The following EDAR variants were observed in gnomAD, a reference collection of about 807,000 sequenced individuals.
The protein encoded by EDAR is ectodysplasin A receptor, also known as tumor necrosis factor receptor superfamily member EDAR.
A neutral mutation model predicts 51.3 loss-of-function variants in EDAR; 38 were observed. The ratio of observed to expected loss-of-function variants is 0.74; its 90% CI spans 0.57 to 0.97. The LOEUF is 0.97. Among genes scored for constraint, EDAR ranks in the 50% least tolerant of loss-of-function variants. The pLI, the probability that EDAR is intolerant of heterozygous loss-of-function variation, is 0.00. For missense variants in EDAR, 528 were observed against 595.0 expected (o/e 0.89, Z 1.17); for synonymous variants, 227 against 242.1 (o/e 0.94, Z 0.58).
chr2:108,907,203 G>GTT (rs907708183), intron 10 of EDAR, among the ~76,000 whole-genome samples: 5 of 152,226 alleles, frequency 3.3e-5, no homozygotes, highest in African/African-American at 1.2e-4. Flanking sequence ...GAAGAAAAAC[G>GTT]TTGTGTGTGT....
At chr2:108,987,258 G>A (rs1263711690) in intron 1 of EDAR, among the ~76,000 whole-genome samples, 3 of 152,240 alleles carry the variant, frequency 2.0e-5, no homozygotes, top group Admixed American at 6.5e-5. Context: ...AGAAAGGAGC[G>A]TCAGGTAACC....
At chr2:108,967,686 C>T (rs1361099311) in intron 1 of EDAR, among the ~76,000 whole-genome samples, 1 of 152,116 alleles carries the variant, frequency 6.6e-6, no homozygotes, top group African/African-American at 2.4e-5. Flanking sequence ...AATTTTACTT[C>T]ATAAACCAAT....
chr2:108,980,738 G>A (rs1698405917), intron 1 of EDAR, among the ~76,000 whole-genome samples: 2 of 152,136 alleles, frequency 1.3e-5, no homozygotes, highest in South Asian at 4.2e-4. Context: ...GTTTTGGGCA[G>A]AGGGAACAAA....
In EDAR at chr2:108,897,059, CAA is replaced by C. The variant is rs1553443360; in HGVS notation, c.1193_1194del (p.Phe398Ter). 1 of 1,614,180 alleles carries C rather than the reference CAA, an allele frequency of 6.2e-7. No individual in the cohort carries two copies. Among genetic ancestry groups the C allele is most frequent in the Non-Finnish European group, 8.5e-7 (1 of 1,180,026 alleles). Reference sequence around the variant, plus strand: ...CTGTAGCCTGCCGTGCTGATGCGGTCAAAGAGTTGCATGCCGTCTGTCATGCC... The same window carrying C: ...CTGTAGCCTGCCGTGCTGATGCGGTCAGAGTTGCATGCCGTCTGTCATGCC... ...IGGMTDGMQL[F>X]DRISTAGYSI... On this transcript the variant is annotated frameshift_variant, in exon 12 of 12. Coordinates refer to ENST00000258443, the MANE Select transcript of EDAR (RefSeq NM_022336.4). LOFTEE classifies it high-confidence loss of function.
rs1162108170 is a variant in EDAR at position 108,894,790 on chromosome 2, A to G, written c.*2117T>C. Reference sequence around the variant, plus strand: ...AAGGGAATTTGTAACTATATAAGGAATAGCTCCCTAAAAATGGCAGGTGGA... The same window carrying G: ...AAGGGAATTTGTAACTATATAAGGAGTAGCTCCCTAAAAATGGCAGGTGGA... On this transcript the variant is annotated 3_prime_UTR_variant, in exon 12 of 12. Transcript: ENST00000258443. 6.6e-6 allele frequency: 1 copy of G among 152,250 alleles called. No individual in the cohort carries two copies. The highest frequency in any genetic ancestry group is 2.4e-5 in the African/African-American group (1 of 41,472). The allele number at this position is 152,250 out of a possible 1,614,324, so 9.4% of individuals were successfully genotyped here.
chr2:108,942,641 C>T (rs1469562714), intron 1 of EDAR, among the ~76,000 whole-genome samples: 1 of 152,168 alleles, frequency 6.6e-6, no homozygotes, highest in African/African-American at 2.4e-5. Context: ...CACCTGCTTT[C>T]CACGCCAGAG....
chr2:108,919,036 G>A (rs1216702938), intron 5 of EDAR, among the ~76,000 whole-genome samples: 1 of 152,110 alleles, frequency 6.6e-6, no homozygotes, highest in African/African-American at 2.4e-5. Context: ...ACTGGGACCC[G>A]CTGTGTCAGA....
intron 1 of EDAR, among the ~76,000 whole-genome samples, chr2:108,984,427 C>T (rs937253042): frequency 1.3e-5 from 2 of 152,156 alleles, no homozygotes; most frequent in East Asian, 3.9e-4. Context: ...GAGAGCCCAG[C>T]CCCCTTGCCA....
chr2:108,980,597 A>G (rs1285323245), intron 1 of EDAR, among the ~76,000 whole-genome samples: 2 of 152,160 alleles, frequency 1.3e-5, no homozygotes, highest in Non-Finnish European at 2.9e-5. Context: ...GATAAAGGTA[A>G]AACAGGAGTC....
At chr2:108,952,276 G>A (rs903076480) in intron 1 of EDAR, among the ~76,000 whole-genome samples, 17 of 152,180 alleles carry the variant, frequency 1.1e-4, no homozygotes, top group African/African-American at 4.1e-4. Flanking sequence ...ATGGGTTCAT[G>A]TGAAGGGGAC....
In EDAR at chr2:108,910,586, C is replaced by G. The variant is rs1405285928; in HGVS notation, c.731-54G>C. 17 of 1,503,120 alleles carry G rather than the reference C, an allele frequency of 1.1e-5. No homozygotes were observed. The East Asian group carries it at 3.4e-4, about 30-fold the overall frequency. 93.1% of individuals were successfully genotyped at this position (1,503,120 alleles called of 1,614,324 possible). On this transcript the variant is annotated intron_variant, in intron 8 of 11. Transcript: ENST00000258443. Reference sequence around the variant, plus strand: ...TAGGAGTTAGAATTGGCTCATGGCTCTGCGCTCAGCCCAACCCTGCTCTTC... The same window carrying G: ...TAGGAGTTAGAATTGGCTCATGGCTGTGCGCTCAGCCCAACCCTGCTCTTC...
intron 1 of EDAR, among the ~76,000 whole-genome samples, chr2:108,959,655 G>A (rs1186281198): frequency 2.6e-5 from 4 of 152,194 alleles, no homozygotes; most frequent in Non-Finnish European, 4.4e-5. Flanking sequence ...TGCGCCCTGG[G>A]ACTCAGCTCT....
Position 108,906,353 on chromosome 2 carries a change from T to C in EDAR, c.979A>G (p.Lys327Glu). The C allele has an allele frequency of 6.2e-7, 1 of 1,614,168 alleles. No individual in the cohort carries two copies. The highest frequency in any genetic ancestry group is 8.5e-7 in the Non-Finnish European group (1 of 1,180,038). Residue 327 changes from lysine (K) to glutamate (E), a missense_variant, in exon 11 of 12, where the codon AAA becomes GAA. By Grantham distance (56) the Lys-to-Glu change is moderately conservative (BLOSUM62 1). Coordinates refer to ENST00000258443, the MANE Select transcript of EDAR (RefSeq NM_022336.4). ...TTGGCATACACATCGAGGATCTTTT[T>C]CCTCCGGCTTTGAATCTGTGAAAAA... Reference protein sequence around the residue: ...NKSAGIQSRRKKILDVYANVC... With the variant: ...NKSAGIQSRREKILDVYANVC...
chr2:108,972,016 C>T (rs1315421541), intron 1 of EDAR, among the ~76,000 whole-genome samples: 1 of 152,198 alleles, frequency 6.6e-6, no homozygotes, highest in African/African-American at 2.4e-5. Flanking sequence ...ACTTGCGAGG[C>T]CTCTGGATGT....
At position 108,930,160 on chromosome 2, in the gene EDAR, T is replaced by C. The variant is rs766200318; in HGVS notation, c.134A>G (p.Gln45Arg). The C allele has an allele frequency of 6.2e-7, 1 of 1,614,052 alleles. No individual in the cohort carries two copies. The highest frequency in any genetic ancestry group is 8.5e-7 in the Non-Finnish European group (1 of 1,180,022). Residue 45 changes from glutamine (Q) to arginine (R), a missense_variant, in exon 3 of 12, where the codon CAG (glutamine) becomes CGG (arginine). Physicochemically the swap from Gln to Arg is conservative, Grantham distance 43. Coordinates refer to ENST00000258443, the MANE Select transcript of EDAR (RefSeq NM_022336.4). ...TCCCGGCCCACACGGGGGGCACTCCTGGCACAGCCCCGTAGTCTGGTTGTA... is the reference window on the plus strand; with the variant it reads ...TCCCGGCCCACACGGGGGGCACTCCCGGCACAGCCCCGTAGTCTGGTTGTA... The part of the protein sequence containing the change: ...EYYNQTTGLC[Q>R]ECPPCGPGEE...
intron 1 of EDAR, among the ~76,000 whole-genome samples, chr2:108,966,395 T>C (rs983427926): frequency 1.3e-5 from 2 of 152,226 alleles, no homozygotes; most frequent in Non-Finnish European, 2.9e-5. Flanking sequence ...TGCAGTGGCA[T>C]TGGAGGCCAG....
chr2:108,960,815 C>T (rs1698024426), intron 1 of EDAR, among the ~76,000 whole-genome samples: 1 of 152,136 alleles, frequency 6.6e-6, no homozygotes, highest in Admixed American at 6.5e-5. Flanking sequence ...ATCCTGTTTG[C>T]TTAATGATTT....
Position 108,909,236 on chromosome 2 carries a change from C to A in EDAR, c.804-1217G>T, listed in dbSNP as rs1451158609. Among the ~76,000 whole-genome samples, 3 of 152,118 alleles carry A rather than the reference C, an allele frequency of 2.0e-5. 1 individual carries two copies. Among genetic ancestry groups the A allele is most frequent in the African/African-American group, 7.2e-5 (3 of 41,420 alleles). Reference sequence around the variant, plus strand: ...TTTTGATTTCTGGGAATAAGAAAAGCCTGAATATCAGAAGGGAGAGGCTGA... The same window carrying A: ...TTTTGATTTCTGGGAATAAGAAAAGACTGAATATCAGAAGGGAGAGGCTGA... On this transcript the variant is annotated intron_variant, in intron 9 of 11. Transcript: ENST00000258443.
intron 1 of EDAR, among the ~76,000 whole-genome samples, chr2:108,968,754 G>A (rs1046069103): frequency 6.6e-6 from 1 of 152,302 alleles, no homozygotes; most frequent in Middle Eastern, 3.4e-3. Flanking sequence ...CGAACACTAG[G>A]AAATAAGGTC....
Sources: allele counts gnomAD v4.1 joint callset (sites outside exome capture counted in the v4.1 genomes callset), GRCh38; gene constraint gnomAD v4.1.1; transcripts MANE v1.5; gene names NCBI Gene and HGNC (gene_info 2026-07-23, HGNC 2026-07-21).